PKNOX2: variants seen among roughly 807,000 people sequenced by gnomAD.
PKNOX2 encodes the protein PBX/knotted 1 homeobox 2.
A neutral mutation model predicts 53.1 loss-of-function variants in PKNOX2; 14 were observed. The observed-to-expected ratio is 0.26, with a 90% confidence interval of 0.17 to 0.41. PKNOX2 has a LOEUF of 0.41. PKNOX2 is among the 10% of genes least tolerant of loss of function. The pLI is 1.00. For missense variants in PKNOX2, 496 were observed against 602.8 expected, an observed-to-expected ratio of 0.82 and a Z score of 1.85; for synonymous variants, 257 against 242.8, an observed-to-expected ratio of 1.06 and a Z score of -0.54.
chr11:125,241,033 C>T (rs946868855), intron 2 of PKNOX2, among the ~76,000 whole-genome samples: 35 of 152,314 alleles, frequency 2.3e-4, no homozygotes, highest in South Asian at 1.2e-3. Context: ...CTGTGATATG[C>T]GGCCATGCCA....
intron 4 of PKNOX2, among the ~76,000 whole-genome samples, chr11:125,367,081 A>G (rs977087449): frequency 1.3e-5 from 2 of 152,250 alleles, no homozygotes; most frequent in Non-Finnish European, 2.9e-5. Flanking sequence ...GGAAATAAAA[A>G]AGCATGAAAC....
chr11:125,390,627 A>G (rs565203908), intron 6 of PKNOX2, among the ~76,000 whole-genome samples: 13 of 152,352 alleles, frequency 8.5e-5, no homozygotes, highest in Non-Finnish European at 1.8e-4. Flanking sequence ...CAAGACCCCT[A>G]TGAAGTAGTT....
chr11:125,433,319 T>C lies in PKNOX2; in HGVS notation c.*1927T>C, dbSNP rs1048459655. The C allele has an allele frequency of 6.5e-6, 1 of 152,740 alleles. No homozygotes were observed. Among genetic ancestry groups the C allele is most frequent in the African/African-American group, 2.4e-5 (1 of 41,458 alleles). The allele number at this position is 152,740 out of a possible 1,614,324, so 9.5% of individuals were successfully genotyped here. On this transcript the variant is annotated 3_prime_UTR_variant, in exon 13 of 13. Coordinates refer to ENST00000298282, the MANE Select transcript of PKNOX2 (RefSeq NM_001382323.2). ...CCTGCCTAATGTTATGCAACCTCCT[T>C]CTGATGTATCCACCAAACCAGTACT...
At chr11:125,419,452 G>GAAAAAAAAAAAAAAAAA (rs11309457) in intron 10 of PKNOX2, among the ~76,000 whole-genome samples, 1 of 137,762 alleles carries the variant, frequency 7.3e-6, no homozygotes. Flanking sequence ...GAAAAAAAAA[G>GAAAAAAAAAAAAAAAAA]AAAAAAAAAA....
intron 2 of PKNOX2, among the ~76,000 whole-genome samples, chr11:125,316,554 G>A (rs1211255095): frequency 1.3e-5 from 2 of 152,086 alleles, no homozygotes; most frequent in Non-Finnish European, 2.9e-5. Flanking sequence ...AGACAATATG[G>A]CAATAAAGCA....
At position 125,410,813 on chromosome 11, in the gene PKNOX2, C is replaced by T. The variant is rs1406190557; in HGVS notation, c.753C>T (p.Thr251=). 6.2e-7 allele frequency: 1 copy of T among 1,614,096 alleles called. No homozygotes were observed. The change falls in exon 9 of 13, where the codon ACC becomes ACT. Residue 251 remains threonine (T), a synonymous_variant. Transcript: ENST00000298282. The part of the protein sequence containing the change: ...GALYQPVTMV[T]SQGQVVTQAI... ...TATACCAACCGGTTACCATGGTAAC[C>T]TCCCAGGGTCAGGTGGTCACCCAAG...
chr11:125,184,025 G>A (rs117327225), intron 1 of PKNOX2, among the ~76,000 whole-genome samples: 3 of 152,312 alleles, frequency 2.0e-5, no homozygotes, highest in Non-Finnish European at 2.9e-5. Flanking sequence ...ACCATGGAGG[G>A]AGATAAAAGA....
chr11:125,411,468 CTCT>C, intron 9 of PKNOX2: 1 of 237,796 alleles, frequency 4.2e-6, no homozygotes, highest in Non-Finnish European at 8.3e-6. Context: ...GTCTTTCTCT[CTCT>C]CTCTCTCTCT....
intron 2 of PKNOX2, among the ~76,000 whole-genome samples, chr11:125,306,491 G>A (rs1948466405): frequency 6.6e-6 from 1 of 151,934 alleles, no homozygotes; most frequent in Non-Finnish European, 1.5e-5. Flanking sequence ...TCAAAGGCTG[G>A]TACTACCAGA....
intron 1 of PKNOX2, among the ~76,000 whole-genome samples, chr11:125,207,930 C>T (rs1197652509): frequency 6.6e-6 from 1 of 152,050 alleles, no homozygotes; most frequent in African/African-American, 2.4e-5. Context: ...TTTAATTCAA[C>T]AAATATTGAT....
intron 4 of PKNOX2, among the ~76,000 whole-genome samples, chr11:125,360,657 G>A (rs1367524692): frequency 6.6e-6 from 1 of 152,152 alleles, no homozygotes; most frequent in Non-Finnish European, 1.5e-5. Flanking sequence ...CCTTCAGCAG[G>A]GGTGGCACCC....
intron 2 of PKNOX2, among the ~76,000 whole-genome samples, chr11:125,328,929 C>A (rs1949994010): frequency 6.6e-6 from 1 of 152,200 alleles, no homozygotes; most frequent in Admixed American, 6.5e-5. Context: ...ATGGGTATGA[C>A]CTTCCTGCAA....
At chr11:125,314,618 G>A (rs1235183971) in intron 2 of PKNOX2, among the ~76,000 whole-genome samples, 1 of 152,150 alleles carries the variant, frequency 6.6e-6, no homozygotes, top group Non-Finnish European at 1.5e-5. Flanking sequence ...AGCCGGGCTA[G>A]ATGCCCACAG....
At chr11:125,385,113 C>T (rs1375015572) in intron 5 of PKNOX2, among the ~76,000 whole-genome samples, 1 of 152,170 alleles carries the variant, frequency 6.6e-6, no homozygotes, top group Non-Finnish European at 1.5e-5. Flanking sequence ...ATCTGCCACC[C>T]TTAGCTGGCT....
At position 125,412,339 on chromosome 11, in the gene PKNOX2, C is replaced by T. The variant is rs541895578; in HGVS notation, c.936+474C>T. 5.9e-5 allele frequency among the ~76,000 whole-genome samples: 9 copies of T among 152,302 alleles called. No homozygotes were observed. In the South Asian group the frequency reaches 8.3e-4, roughly 14 times the overall value. ...CCAAGCGCTGTGTGGTGGAGATGGG[C>T]GCCAAGGCTGGAATCCTGGCTCCTC... On this transcript the variant is annotated intron_variant, in intron 10 of 12. Coordinates refer to ENST00000298282, the MANE Select transcript of PKNOX2 (RefSeq NM_001382323.2).
rs894834888 is a variant in PKNOX2 at position 125,221,528 on chromosome 11, T to C, written c.-200-13517T>C. Among the ~76,000 whole-genome samples, 11 of 152,038 alleles carry C rather than the reference T, an allele frequency of 7.2e-5. No individual in the cohort carries two copies. The East Asian group carries it at 1.9e-3, about 27-fold the overall frequency. On this transcript the variant is annotated intron_variant, in intron 1 of 12. Coordinates refer to ENST00000298282, the MANE Select transcript of PKNOX2 (RefSeq NM_001382323.2). ...AGCTAACCGCAGCCACGCCGTTTAG[T>C]GTTGGAGGCGTATAAGTCAGTATGT...
chr11:125,333,074 T>C (rs1403370219), intron 3 of PKNOX2, among the ~76,000 whole-genome samples: 1 of 152,158 alleles, frequency 6.6e-6, no homozygotes, highest in African/African-American at 2.4e-5. Context: ...CGGGGGCAAG[T>C]TGAGCCTTTT....
chr11:125,409,508 T>TTATG (rs1955355502), intron 7 of PKNOX2, among the ~76,000 whole-genome samples: 1 of 151,992 alleles, frequency 6.6e-6, no homozygotes, highest in Admixed American at 6.5e-5. Flanking sequence ...AGAAGACAGG[T>TTATG]TATGGGAAGG....
chr11:125,313,118 T>C (rs7121604), intron 2 of PKNOX2, among the ~76,000 whole-genome samples: 17,897 of 151,758 alleles, frequency 0.12, 2,307 homozygotes, highest in African/African-American at 0.32. Context: ...AGAAGAACTA[T>C]CTGTGTGTCT....
Sources: allele counts gnomAD v4.1 joint callset (sites outside exome capture counted in the v4.1 genomes callset), GRCh38; gene constraint gnomAD v4.1.1; transcripts MANE v1.5; gene names NCBI Gene and HGNC (gene_info 2026-07-23, HGNC 2026-07-21).